Variants in ADGRL3 observed in about 807,000 individuals in gnomAD.
The protein encoded by ADGRL3 is calcium-independent alpha-latrotoxin receptor 3.
Under a neutral mutation model 153.5 loss-of-function variants are expected in ADGRL3, and 62 were observed. The ratio of observed to expected loss-of-function variants is 0.40; its 90% confidence interval spans 0.33 to 0.50. The LOEUF (loss-of-function observed/expected upper bound fraction) is 0.50. ADGRL3 is among the 20% of genes least tolerant of loss of function. The pLI is 0.47. For synonymous variants in ADGRL3, 710 were observed against 672.5 expected (o/e 1.06, Z -0.86); for missense variants, 1,641 against 1,859.4 (o/e 0.88, Z 2.16).
In ADGRL3 at chr4:61,748,921, G is replaced by A. The variant is rs57242749; in HGVS notation, c.1399+15367G>A. Among the ~76,000 whole-genome samples, 341 of 151,262 alleles carry A rather than the reference G, an allele frequency of 2.3e-3. 3 individuals are homozygous for A. The highest frequency in any genetic ancestry group is 8.0e-3 in the African/African-American group (329 of 40,982). On this transcript the variant is annotated intron_variant, in intron 8 of 26. Transcript: ENST00000683033. ...AAGAAACTACCATCAGAGTGAACAG[G>A]CAACCTACAAAATGGGAGAAAATTT... is the stretch of plus-strand genomic sequence containing the variant.
In ADGRL3 at chr4:61,830,014, A is replaced by T. The variant is rs535438984; in HGVS notation, c.1480+16125A>T. Among the ~76,000 whole-genome samples the T allele has an allele frequency of 2.0e-4, 30 of 150,566 alleles. No individual in the cohort carries two copies. The East Asian group carries it at 2.4e-3, about 12-fold the overall frequency. On this transcript the variant is annotated intron_variant, in intron 9 of 26. Coordinates refer to ENST00000683033, the MANE Select transcript of ADGRL3 (RefSeq NM_001387552.1). ...AGTCTCCCATCTCTACAAAAAAAAA[A>T]ATTTTTTTTTTTTTGAGACAGATTC...
At chr4:61,442,134 A>G (rs1340444219) in intron 2 of ADGRL3, among the ~76,000 whole-genome samples, 3 of 152,226 alleles carry the variant, frequency 2.0e-5, no homozygotes, top group African/African-American at 7.2e-5. Context: ...TAAAAAAATC[A>G]TTTTGATGAT....
At chr4:61,204,189 G>T (rs1349551494) in intron 1 of ADGRL3, among the ~76,000 whole-genome samples, 1 of 152,034 alleles carries the variant, frequency 6.6e-6, no homozygotes, top group Admixed American at 6.5e-5. Context: ...TAAAGACCTT[G>T]ACCTCTTGAA....
intron 4 of ADGRL3, among the ~76,000 whole-genome samples, chr4:61,549,531 C>T (rs1039102680): frequency 2.6e-5 from 4 of 152,136 alleles, no homozygotes; most frequent in African/African-American, 4.8e-5. Flanking sequence ...TGTGGAGACA[C>T]GCTCTCTGAC....
At chr4:61,688,797 A>G (rs2095491050) in intron 6 of ADGRL3, among the ~76,000 whole-genome samples, 1 of 152,124 alleles carries the variant, frequency 6.6e-6, no homozygotes, top group Non-Finnish European at 1.5e-5. Context: ...TTTATTTCAG[A>G]TCACTGCTGG....
chr4:61,999,132 TA>T (rs1489996792), intron 21 of ADGRL3, among the ~76,000 whole-genome samples: 2 of 152,224 alleles, frequency 1.3e-5, no homozygotes, highest in African/African-American at 4.8e-5. Context: ...AATATGGCTC[TA>T]AGTTTTACCT....
chr4:61,349,324 A>G (rs575683251), intron 1 of ADGRL3, among the ~76,000 whole-genome samples: 7 of 152,102 alleles, frequency 4.6e-5, no homozygotes, highest in Non-Finnish European at 1.0e-4. Flanking sequence ...TCTGAAAAGC[A>G]GATAATAGTA....
intron 1 of ADGRL3, among the ~76,000 whole-genome samples, chr4:61,333,607 G>A (rs1235170955): frequency 6.8e-6 from 1 of 147,930 alleles, no homozygotes; most frequent in East Asian, 2.0e-4. Flanking sequence ...TTTTTCTTTT[G>A]TTTTTTGACA....
chr4:61,757,412 G>T (rs7376314), intron 8 of ADGRL3, among the ~76,000 whole-genome samples: 69,319 of 151,976 alleles, frequency 0.46, 16,199 homozygotes, highest in East Asian at 0.64. Flanking sequence ...TTGCATAGAG[G>T]TGTTTATAGT....
chr4:61,614,308 A>C (rs1014202612), intron 5 of ADGRL3, among the ~76,000 whole-genome samples: 3 of 152,146 alleles, frequency 2.0e-5, no homozygotes, highest in African/African-American at 7.2e-5. Context: ...CTTCAGAAGG[A>C]TCTCTTTCCA....
intron 5 of ADGRL3, among the ~76,000 whole-genome samples, chr4:61,590,070 A>G (rs972574348): frequency 6.6e-6 from 1 of 152,102 alleles, no homozygotes; most frequent in Admixed American, 6.6e-5. Context: ...AGAACTTATT[A>G]AAACATCACA....
rs372915229 is a variant in ADGRL3, at chr4:61,229,763, TC to T, written c.-240+27999del. On this transcript the variant is annotated intron_variant, in intron 1 of 26. Transcript: ENST00000683033. ...TACAAAACATTTTTAAAAAATTAGC[TC>T]TGTGTGGTGGCATGTGCCTGTAGTC... Among the ~76,000 whole-genome samples, 699 of 152,032 alleles carry T rather than the reference TC, an allele frequency of 4.6e-3. 7 individuals are homozygous for T. Among genetic ancestry groups the T allele is most frequent in the African/African-American group, 0.016 (665 of 41,466 alleles).
chr4:61,339,696 TAAC>T (rs1309439209), intron 1 of ADGRL3, among the ~76,000 whole-genome samples: 2 of 152,224 alleles, frequency 1.3e-5, no homozygotes, highest in Non-Finnish European at 1.5e-5. Context: ...TTTGTTCTAT[TAAC>T]AACATATAGC....
chr4:61,602,953 A>G (rs1001512300), intron 5 of ADGRL3, among the ~76,000 whole-genome samples: 1 of 152,234 alleles, frequency 6.6e-6, no homozygotes, highest in Admixed American at 6.5e-5. Context: ...TCAGAAATGT[A>G]GCATATCATA....
intron 19 of ADGRL3, among the ~76,000 whole-genome samples, chr4:61,984,187 C>G (rs140710014): frequency 0.025 from 3,783 of 152,204 alleles, 62 homozygotes; most frequent in Non-Finnish European, 0.036. Context: ...TGTTTGCAAT[C>G]TACATACATG....
intron 1 of ADGRL3, among the ~76,000 whole-genome samples, chr4:61,372,230 C>T (rs552514490): frequency 7.9e-5 from 12 of 152,284 alleles, no homozygotes; most frequent in South Asian, 2.1e-4. Context: ...TCTCTCAGCT[C>T]GTCAAAGTCA....
In ADGRL3 at chr4:61,802,955, A is replaced by G. The variant is rs141281778; in HGVS notation, c.1400-10854A>G. On this transcript the variant is annotated intron_variant, in intron 8 of 26. Coordinates refer to ENST00000683033, the MANE Select transcript of ADGRL3 (RefSeq NM_001387552.1). ...CTAATCCCACATGAGGCAAGCTAAT[A>G]TATCTATCAGATACTGTTTCCTTGA... 6.4e-3 allele frequency among the ~76,000 whole-genome samples: 977 copies of G among 152,214 alleles called. 6 individuals are homozygous for G. Among genetic ancestry groups the G allele is most frequent in the African/African-American group, 0.019 (792 of 41,544 alleles).
At chr4:61,904,677 G>A (rs1387734992) in intron 11 of ADGRL3, among the ~76,000 whole-genome samples, 4 of 149,066 alleles carry the variant, frequency 2.7e-5, no homozygotes, top group Non-Finnish European at 3.0e-5. Context: ...TAACTACACA[G>A]AAAAAAAAAA....
At chr4:61,978,403 T>A (rs941433626) in intron 17 of ADGRL3, among the ~76,000 whole-genome samples, 1 of 152,184 alleles carries the variant, frequency 6.6e-6, no homozygotes, top group Non-Finnish European at 1.5e-5. Flanking sequence ...GTACACTGAT[T>A]TTCTACTATT....
Sources: allele counts gnomAD v4.1 joint callset (sites outside exome capture counted in the v4.1 genomes callset), GRCh38; gene constraint gnomAD v4.1.1; transcripts MANE v1.5; gene names NCBI Gene and HGNC (gene_info 2026-07-23, HGNC 2026-07-21).